Variants in AKAP6 observed in about 807,000 individuals in gnomAD.
AKAP6 encodes A-kinase anchor protein 6.
A neutral mutation model predicts 188.5 loss-of-function variants in AKAP6; 58 were observed. The observed-to-expected ratio is 0.31, with a 90% CI of 0.25 to 0.38. The LOEUF (loss-of-function observed/expected upper bound fraction) is 0.38. AKAP6 is among the 10% of genes least tolerant of loss of function. The probability of loss-of-function intolerance (pLI) is 1.00; values close to 1 mark genes in which losing one functional copy is unlikely to be tolerated. For missense variants in AKAP6, 2,710 were observed against 2,740.0 expected, an observed-to-expected ratio of 0.99 and a Z score of 0.24; for synonymous variants, 989 against 998.6, an observed-to-expected ratio of 0.99 and a Z score of 0.18.
rs1234315268 is a variant in AKAP6, at chr14:32,546,048, G to A, written c.1395G>A (p.Gly465=). The A allele has an allele frequency of 3.1e-6, 5 of 1,614,002 alleles. No individual in the cohort carries two copies. The African/African-American group carries it at 4.0e-5, about 13-fold the overall frequency. The change falls in exon 4 of 14, where the codon GGG becomes GGA. Residue 465 remains glycine, a synonymous_variant. Transcript: ENST00000280979. ...SYECLHKVGN[G]NLENTVKFHI... ...AGTGTTTACACAAGGTGGGGAATGG[G>A]AACCTTGAAAACACAGTCAAATTTC...
At chr14:32,595,131 A>G (rs971607987) in intron 5 of AKAP6, among the ~76,000 whole-genome samples, 2 of 152,234 alleles carry the variant, frequency 1.3e-5, no homozygotes, top group Middle Eastern at 3.4e-3. Context: ...CAGCTTCCTA[A>G]ATGGCTTCCT....
At chr14:32,705,421 G>A (rs1047454406) in intron 9 of AKAP6, among the ~76,000 whole-genome samples, 1 of 152,148 alleles carries the variant, frequency 6.6e-6, no homozygotes, top group Admixed American at 6.6e-5. Flanking sequence ...TTCAACATTT[G>A]ATAAAAAGAG....
chr14:32,608,957 TTAAAAC>T (rs1480760099), intron 7 of AKAP6, among the ~76,000 whole-genome samples: 1 of 152,166 alleles, frequency 6.6e-6, no homozygotes, highest in African/African-American at 2.4e-5. Flanking sequence ...AAAAAACACT[TTAAAAC>T]TAATAAGTAA....
chr14:32,726,973 GAT>G (rs1384250029), intron 9 of AKAP6, among the ~76,000 whole-genome samples: 1 of 152,100 alleles, frequency 6.6e-6, no homozygotes, highest in Non-Finnish European at 1.5e-5. Context: ...GGTAGTAGTG[GAT>G]ATGCCCTAAA....
intron 1 of AKAP6, among the ~76,000 whole-genome samples, chr14:32,358,536 G>A (rs532817670): frequency 6.6e-6 from 1 of 152,212 alleles, no homozygotes; most frequent in South Asian, 2.1e-4. Flanking sequence ...GGGGGGGTTA[G>A]GTATGCAGTG....
At chr14:32,473,151 C>A (rs1878872901) in intron 2 of AKAP6, among the ~76,000 whole-genome samples, 1 of 152,186 alleles carries the variant, frequency 6.6e-6, no homozygotes, top group Admixed American at 6.5e-5. Flanking sequence ...TTTCTTATCA[C>A]AAGTTTTGAA....
At chr14:32,348,753 T>TA (rs1458301513) in intron 1 of AKAP6, among the ~76,000 whole-genome samples, 1 of 152,136 alleles carries the variant, frequency 6.6e-6, no homozygotes, top group African/African-American at 2.4e-5. Flanking sequence ...CTGGACCCTC[T>TA]AGGCTTCTGA....
rs10149843 is a variant in AKAP6 at position 32,568,616 on chromosome 14, G to C, written c.2347-8504G>C. Among the ~76,000 whole-genome samples, 76,479 of 151,974 alleles carry C rather than the reference G, an allele frequency of 0.5. 21,392 individuals are homozygous for C. The highest frequency in any genetic ancestry group is 0.61 in the Non-Finnish European group (41,570 of 67,940). On this transcript the variant is annotated intron_variant, in intron 4 of 13. Transcript: ENST00000280979. The surrounding 1 kb of genome is among the most constrained non-coding windows in gnomAD (Gnocchi z 6.2). The stretch of plus-strand genomic sequence containing the variant: ...GGAGGATTGGGGGTGCTTGAAGCAA[G>C]GTCTCACCTAGAGCAAGTCTGCCAA...
intron 7 of AKAP6, among the ~76,000 whole-genome samples, chr14:32,645,124 G>A (rs941728011): frequency 6.6e-6 from 1 of 152,034 alleles, no homozygotes; most frequent in Non-Finnish European, 1.5e-5. Flanking sequence ...TTTTTATAGG[G>A]ACCTGATCTT....
At chr14:32,661,989 C>G (rs942720144) in intron 7 of AKAP6, among the ~76,000 whole-genome samples, 1 of 151,988 alleles carries the variant, frequency 6.6e-6, no homozygotes, top group Non-Finnish European at 1.5e-5. Flanking sequence ...GAATATGACT[C>G]TCAATGATGA....
At chr14:32,414,526 G>A (rs1889593591) in intron 1 of AKAP6, among the ~76,000 whole-genome samples, 1 of 152,092 alleles carries the variant, frequency 6.6e-6, no homozygotes, top group African/African-American at 2.4e-5. Flanking sequence ...TCAGAATTGT[G>A]TTAGGATATA....
At chr14:32,384,933 A>G (rs1329500489) in intron 1 of AKAP6, 1 of 152,098 alleles carries the variant, frequency 6.6e-6, no homozygotes, top group Non-Finnish European at 1.5e-5. Flanking sequence ...AAATTGATTC[A>G]ACTTATGGTA....
At chr14:32,531,098 T>C (rs1373009712) in intron 2 of AKAP6, among the ~76,000 whole-genome samples, 1 of 152,170 alleles carries the variant, frequency 6.6e-6, no homozygotes, top group Non-Finnish European at 1.5e-5. Flanking sequence ...ACATAATGTA[T>C]TCAATACATT....
intron 7 of AKAP6, among the ~76,000 whole-genome samples, chr14:32,603,787 A>G (rs1401296989): frequency 2.0e-5 from 3 of 152,238 alleles, no homozygotes; most frequent in Admixed American, 6.5e-5. Context: ...TGTTATGGTT[A>G]CATAACCATA....
At chr14:32,535,905 A>G in intron 3 of AKAP6, 100 bp downstream of exon 3, 2 of 1,495,718 alleles carry the variant, frequency 1.3e-6, no homozygotes, top group Non-Finnish European at 1.8e-6. Context: ...TTGTAGGTAA[A>G]TAAGCAGGCC....
At chr14:32,785,204 A>G (rs962397464) in intron 12 of AKAP6, among the ~76,000 whole-genome samples, 9 of 152,080 alleles carry the variant, frequency 5.9e-5, no homozygotes, top group African/African-American at 2.2e-4. Flanking sequence ...CTCTTACATA[A>G]AGAGTTGGAT....
chr14:32,505,631 A>G (rs537442240), intron 2 of AKAP6, among the ~76,000 whole-genome samples: 4 of 152,240 alleles, frequency 2.6e-5, no homozygotes, highest in South Asian at 2.1e-4. Flanking sequence ...ATTATTGAAA[A>G]AGTATCACTT....
chr14:32,535,772 C>T lies in AKAP6; in HGVS notation c.543C>T (p.Asp181=), dbSNP rs746381317. 1 of 1,613,554 alleles carries T rather than the reference C, an allele frequency of 6.2e-7. No individual in the cohort carries two copies. Among genetic ancestry groups the T allele is most frequent in the Non-Finnish European group, 8.5e-7 (1 of 1,179,564 alleles). Residue 181 remains aspartate (D), a synonymous_variant, in exon 3 of 14, where the codon GAC becomes GAT. Transcript: ENST00000280979. ...ATGGCAACTACACTAGGCAGACGGA[C>T]ATTCTGCAAGCTTTCTCTGAAGAGA... ...DANGNYTRQT[D]ILQAFSEETK...
At position 32,391,989 on chromosome 14, in the gene AKAP6, A is replaced by G. The variant is rs971021547; in HGVS notation, c.-34-41471A>G. Among the ~76,000 whole-genome samples, 43 of 152,130 alleles carry G rather than the reference A, an allele frequency of 2.8e-4. 1 individual carries two copies. Among genetic ancestry groups the G allele is most frequent in the Non-Finnish European group, 1.3e-4 (9 of 68,034 alleles). On this transcript the variant is annotated intron_variant, in intron 1 of 13. Coordinates refer to ENST00000280979, the MANE Select transcript of AKAP6 (RefSeq NM_004274.5). ...TAATATATCTTTTTATATACTTCTG[A>G]CTTTTAGAACCATGTTAATATTTCA...
Sources: allele counts gnomAD v4.1 joint callset (sites outside exome capture counted in the v4.1 genomes callset), GRCh38; gene constraint gnomAD v4.1.1; non-coding constraint Gnocchi (gnomAD v3.1); transcripts MANE v1.5; gene names NCBI Gene and HGNC (gene_info 2026-07-23, HGNC 2026-07-21).